The following TASP1 variants were observed in gnomAD, a reference collection of about 807,000 sequenced individuals.
TASP1 encodes the protein threonine aspartase 1.
Under a neutral mutation model 56.6 loss-of-function variants are expected in TASP1, and 16 were observed. That is an observed-to-expected ratio of 0.28 (90% CI 0.19 to 0.43). The LOEUF is 0.43. Among genes scored for constraint, TASP1 ranks in the 20% least tolerant of loss-of-function variants. TASP1 has a pLI of 1.00. For synonymous variants in TASP1, 179 were observed against 184.2 expected (o/e 0.97, Z 0.23); for missense variants, 393 against 511.6 (o/e 0.77, Z 2.24).
chr20:13,345,296 G>C, the TASP1 span, among the ~76,000 whole-genome samples: 1 of 152,154 alleles, frequency 6.6e-6, no homozygotes, highest in Non-Finnish European at 1.5e-5. Flanking sequence ...GAATTTGTTG[G>C]CTTTTTTCTC....
intron 10 of TASP1, among the ~76,000 whole-genome samples, chr20:13,511,137 T>A (rs538436551): frequency 6.6e-6 from 1 of 151,650 alleles, no homozygotes; most frequent in South Asian, 2.1e-4. Context: ...GACTGAGAAG[T>A]CTGCTGGGGA....
chr20:13,369,568 A>G, the TASP1 span, among the ~76,000 whole-genome samples: 1 of 152,260 alleles, frequency 6.6e-6, no homozygotes, highest in African/African-American at 2.4e-5. Flanking sequence ...GTATATATCA[A>G]ACTTGGTTGG....
intron 11 of TASP1, among the ~76,000 whole-genome samples, chr20:13,472,425 CAAAGACTTCATGACT>C (rs1241425793): frequency 6.0e-5 from 9 of 150,924 alleles, no homozygotes; most frequent in Non-Finnish European, 1.2e-4. Context: ...TAGGCGTGGG[CAAAGACTTCATGACT>C]AAAACACCAA....
At chr20:13,508,405 T>C (rs1442806983) in intron 10 of TASP1, among the ~76,000 whole-genome samples, 1 of 152,128 alleles carries the variant, frequency 6.6e-6, no homozygotes, top group Non-Finnish European at 1.5e-5. Flanking sequence ...AAATTTGAAA[T>C]TTTTTGAGTG....
the TASP1 span, among the ~76,000 whole-genome samples, chr20:13,215,829 T>TG: frequency 6.6e-6 from 1 of 152,212 alleles, no homozygotes; most frequent in South Asian, 2.1e-4. Flanking sequence ...GGAAGTGGAA[T>TG]GTTGCTGGCG....
intron 11 of TASP1, among the ~76,000 whole-genome samples, chr20:13,447,840 T>C (rs2043467375): frequency 6.6e-6 from 1 of 152,160 alleles, no homozygotes; most frequent in Non-Finnish European, 1.5e-5. Context: ...TTTTTCTTAC[T>C]AATTTGCTAT....
chr20:13,416,318 C>A (rs1432246434), intron 13 of TASP1, among the ~76,000 whole-genome samples: 1 of 152,094 alleles, frequency 6.6e-6, no homozygotes, highest in African/African-American at 2.4e-5. Context: ...TTTATGTATT[C>A]TCTTAGGAAA....
chr20:13,382,153 G>T, the TASP1 span, among the ~76,000 whole-genome samples: 14 of 152,352 alleles, frequency 9.2e-5, no homozygotes, highest in African/African-American at 2.9e-4. Context: ...TGAGCTGGAA[G>T]TTGGGGGGCA....
chr20:13,159,935 T>C, the TASP1 span: 1 of 1,444,400 alleles, frequency 6.9e-7, no homozygotes, highest in South Asian at 1.6e-5. Context: ...TATTCCTTTT[T>C]TGTCAGGATA....
chr20:13,583,266 G>A (rs1368314458), intron 5 of TASP1, among the ~76,000 whole-genome samples: 1 of 152,196 alleles, frequency 6.6e-6, no homozygotes, highest in East Asian at 1.9e-4. Flanking sequence ...ACCAGCCTGA[G>A]CTTGCCTCTG....
chr20:13,333,378 A>G, the TASP1 span, among the ~76,000 whole-genome samples: 1 of 152,234 alleles, frequency 6.6e-6, no homozygotes, highest in Non-Finnish European at 1.5e-5. Flanking sequence ...TTAAAGATCA[A>G]TCCAGAACAA....
intron 11 of TASP1, among the ~76,000 whole-genome samples, chr20:13,480,594 C>G (rs769821053): frequency 2.0e-5 from 3 of 152,156 alleles, no homozygotes; most frequent in Admixed American, 6.5e-5. Context: ...AGATCAACTC[C>G]GTGAACAGTT....
At position 13,483,251 on chromosome 20, in the gene TASP1, C is replaced by G. The variant is rs201782580; in HGVS notation, c.961G>C (p.Glu321Gln). 9.4e-6 allele frequency: 15 copies of G among 1,595,432 alleles called. No individual in the cohort carries two copies. The highest frequency in any genetic ancestry group is 1.3e-5 in the Non-Finnish European group (15 of 1,170,576). Residue 321 changes from glutamate (E) to glutamine (Q), a missense_variant, in exon 11 of 14, where the codon GAG (glutamate) becomes CAG (glutamine). Around this residue, in one of 3 missense-constraint regions of TASP1, gnomAD observed 293 missense variants for 354.2 expected, o/e 0.83. Transcript: ENST00000337743. Reference sequence around the variant, plus strand: ...CTGATAAACTTGTTTTGCATAGTCTCCAACAGGGCTTGGTGAGCATCCTCA... The same window carrying G: ...CTGATAAACTTGTTTTGCATAGTCTGCAACAGGGCTTGGTGAGCATCCTCA... Reference protein sequence around the residue: ...QAEDAHQALLETMQNKFISSP... With the variant: ...QAEDAHQALLQTMQNKFISSP...
chr20:13,483,234 C>A lies in TASP1; in HGVS notation c.978G>T (p.Lys326Asn). 6.3e-7 allele frequency: 1 copy of A among 1,576,746 alleles called. No homozygotes were observed. The highest frequency in any genetic ancestry group is 8.6e-7 in the Non-Finnish European group (1 of 1,162,212). Reference protein sequence around the residue: ...HQALLETMQNKFISSPFLASE... With the variant: ...HQALLETMQNNFISSPFLASE... ...TCTTAATGTTATACTTACTGATAAA[C>A]TTGTTTTGCATAGTCTCCAACAGGG... is the stretch of plus-strand genomic sequence containing the variant. The change falls in exon 11 of 14, where the codon AAG (lysine) becomes AAT (asparagine). Residue 326 changes from lysine (K) to asparagine (N), a missense_variant. Transcript: ENST00000337743.
chr20:13,395,440 G>C (rs2041489051), intron 13 of TASP1, among the ~76,000 whole-genome samples: 1 of 152,104 alleles, frequency 6.6e-6, no homozygotes, highest in African/African-American at 2.4e-5. Context: ...AAATTGCTGA[G>C]TCATAGAAAA....
the TASP1 span, among the ~76,000 whole-genome samples, chr20:13,138,583 T>A: frequency 2.0e-5 from 3 of 152,248 alleles, no homozygotes; most frequent in Non-Finnish European, 4.4e-5. Context: ...TACTTGGGAC[T>A]AAGCAGATTT....
chr20:13,601,178 T>G (rs940695871), intron 4 of TASP1, among the ~76,000 whole-genome samples: 5 of 151,498 alleles, frequency 3.3e-5, no homozygotes, highest in African/African-American at 9.7e-5. Context: ...ATTGAGCGGC[T>G]GAAGTGGGAG....
chr20:13,630,290 G>T, intron 1 of TASP1, 138 bp from the exon 2 acceptor site: 3 of 491,276 alleles, frequency 6.1e-6, no homozygotes, highest in Non-Finnish European at 1.0e-5. Context: ...AGGTATCAAA[G>T]CTATTTATTA....
chr20:13,279,755 C>T, the TASP1 span: 1 of 1,614,006 alleles, frequency 6.2e-7, no homozygotes, highest in Non-Finnish European at 8.5e-7. Context: ...AGGTCCCTGT[C>T]CTTGGCCAGG....
Sources: allele counts gnomAD v4.1 joint callset (sites outside exome capture counted in the v4.1 genomes callset), GRCh38; gene constraint gnomAD v4.1.1; regional missense constraint gnomAD v4.1.1; transcripts MANE v1.5; gene names NCBI Gene and HGNC (gene_info 2026-07-23, HGNC 2026-07-21).